RPS6KC1: variants seen among roughly 807,000 people sequenced by gnomAD.
RPS6KC1 encodes ribosomal protein S6 kinase C1, also known as inactive ribosomal protein S6 kinase delta-1.
RPS6KC1 carries 54 observed loss-of-function variants against 103.8 expected under a neutral mutation model. The observed-to-expected ratio is 0.52, with a 90% confidence interval of 0.42 to 0.65. The LOEUF is 0.65. Among genes scored for constraint, RPS6KC1 ranks in the 30% least tolerant of loss-of-function variants. The probability of loss-of-function intolerance (pLI) is 0.00; values close to 1 mark genes in which losing one functional copy is unlikely to be tolerated. For synonymous variants in RPS6KC1, 439 were observed against 438.7 expected (o/e 1.00, Z -0.01); for missense variants, 1,151 against 1,253.8 (o/e 0.92, Z 1.24).
At chr1:213,473,734 G>A in the RPS6KC1 span, among the ~76,000 whole-genome samples, 1 of 152,182 alleles carries the variant, frequency 6.6e-6, no homozygotes, top group East Asian at 1.9e-4. Flanking sequence ...TACTACTTAG[G>A]ACTTTCAATC....
chr1:213,115,386 G>T (rs946566445), intron 4 of RPS6KC1, among the ~76,000 whole-genome samples: 2 of 152,064 alleles, frequency 1.3e-5, no homozygotes, highest in African/African-American at 4.8e-5. Flanking sequence ...ATTTCTGTGG[G>T]ATCGGTGGTG....
chr1:213,446,339 C>A, the RPS6KC1 span, among the ~76,000 whole-genome samples: 1 of 152,134 alleles, frequency 6.6e-6, no homozygotes, highest in Admixed American at 6.5e-5. Context: ...AGTATGTGGA[C>A]CCTGGATGAT....
At chr1:213,209,880 T>C (rs901969781) in intron 8 of RPS6KC1, among the ~76,000 whole-genome samples, 7 of 152,150 alleles carry the variant, frequency 4.6e-5, no homozygotes, top group Non-Finnish European at 1.0e-4. Context: ...TGAATGTTCC[T>C]ACTCTTTTTA....
intron 6 of RPS6KC1, among the ~76,000 whole-genome samples, chr1:213,144,382 C>A (rs1161762460): frequency 6.6e-6 from 1 of 151,960 alleles, no homozygotes; most frequent in Non-Finnish European, 1.5e-5. Context: ...CTCAAGTGAT[C>A]CTCCCACCTT....
At chr1:213,602,152 T>TTCTTTC in the RPS6KC1 span, among the ~76,000 whole-genome samples, 1 of 100,512 alleles carries the variant, frequency 9.9e-6, no homozygotes, top group Non-Finnish European at 1.9e-5. Context: ...CTTTCTTTCT[T>TTCTTTC]TCTTTCTTTC....
At chr1:213,215,326 G>C (rs1442606043) in intron 8 of RPS6KC1, among the ~76,000 whole-genome samples, 1 of 152,120 alleles carries the variant, frequency 6.6e-6, no homozygotes, top group Non-Finnish European at 1.5e-5. Flanking sequence ...GAAGTTTAGA[G>C]AAAAAAGAAT....
At chr1:213,524,245 GA>G in the RPS6KC1 span, among the ~76,000 whole-genome samples, 4 of 152,004 alleles carry the variant, frequency 2.6e-5, no homozygotes, top group Admixed American at 6.5e-5. Context: ...CCAGACCTGG[GA>G]AAAAAATAGT....
At chr1:213,697,246 T>C in the RPS6KC1 span, among the ~76,000 whole-genome samples, 2 of 152,154 alleles carry the variant, frequency 1.3e-5, no homozygotes, top group South Asian at 2.1e-4. Context: ...GTAAGCTATA[T>C]AATGAAGAGT....
At chr1:213,607,704 C>CACAT in the RPS6KC1 span, among the ~76,000 whole-genome samples, 1 of 151,700 alleles carries the variant, frequency 6.6e-6, no homozygotes, top group South Asian at 2.1e-4. Flanking sequence ...CACACACACA[C>CACAT]ACACACACAC....
the RPS6KC1 span, among the ~76,000 whole-genome samples, chr1:213,854,550 TTCTTTCTTTCTTTCTCTC>T: frequency 9.5e-6 from 1 of 105,280 alleles, no homozygotes; most frequent in Non-Finnish European, 1.9e-5. Flanking sequence ...CTTTCTTTCT[TTCTTTCTTTCTTTCTCTC>T]TCTCTCTCTC....
At chr1:213,288,878 A>T in the RPS6KC1 span, among the ~76,000 whole-genome samples, 1 of 152,124 alleles carries the variant, frequency 6.6e-6, no homozygotes, top group African/African-American at 2.4e-5. Context: ...GAGAGAGAGG[A>T]CATCATCTCT....
chr1:213,704,114 G>A, the RPS6KC1 span, among the ~76,000 whole-genome samples: 4 of 152,028 alleles, frequency 2.6e-5, no homozygotes, highest in East Asian at 3.9e-4. Flanking sequence ...TAGGCCGGGC[G>A]CGGTGGCTCA....
chr1:213,345,868 CT>C, the RPS6KC1 span, among the ~76,000 whole-genome samples: 1 of 152,226 alleles, frequency 6.6e-6, no homozygotes, highest in African/African-American at 2.4e-5. Flanking sequence ...GTGGCCTGGT[CT>C]TTCTTCTGCA....
At chr1:213,619,675 A>G in the RPS6KC1 span, among the ~76,000 whole-genome samples, 2 of 152,240 alleles carry the variant, frequency 1.3e-5, no homozygotes, top group Non-Finnish European at 2.9e-5. Context: ...CCTATAGACC[A>G]ATAACAACAG....
At chr1:213,211,520 T>C (rs998330533) in intron 8 of RPS6KC1, among the ~76,000 whole-genome samples, 1 of 152,264 alleles carries the variant, frequency 6.6e-6, no homozygotes. Flanking sequence ...GCTATATTTA[T>C]ATCCATTTTC....
the RPS6KC1 span, among the ~76,000 whole-genome samples, chr1:213,331,528 G>A: frequency 6.6e-6 from 1 of 152,210 alleles, no homozygotes; most frequent in Non-Finnish European, 1.5e-5. Flanking sequence ...GAGATGAATG[G>A]GGGCATGTGG....
At chr1:213,505,138 T>TA in the RPS6KC1 span, among the ~76,000 whole-genome samples, 1 of 152,172 alleles carries the variant, frequency 6.6e-6, no homozygotes, top group Non-Finnish European at 1.5e-5. Flanking sequence ...TTACCCCAAG[T>TA]ATCCCCTGAG....
At chr1:213,465,949 CTCT>C in the RPS6KC1 span, among the ~76,000 whole-genome samples, 5 of 152,132 alleles carry the variant, frequency 3.3e-5, no homozygotes, top group Admixed American at 2.6e-4. Context: ...ACCATCCTTG[CTCT>C]TCTTCTTAGA....
the RPS6KC1 span, among the ~76,000 whole-genome samples, chr1:213,815,198 C>T: frequency 2.0e-5 from 3 of 152,118 alleles, no homozygotes; most frequent in South Asian, 2.1e-4. Context: ...AAGAAGGATG[C>T]GTTTACTTCC....
Sources: allele counts gnomAD v4.1 joint callset (sites outside exome capture counted in the v4.1 genomes callset), GRCh38; gene constraint gnomAD v4.1.1; transcripts MANE v1.5; gene names NCBI Gene and HGNC (gene_info 2026-07-23, HGNC 2026-07-21).